C12orf42: variants seen among roughly 807,000 people sequenced by gnomAD.
C12orf42 encodes uncharacterized protein C12orf42.
In C12orf42, 25 loss-of-function variants were observed where a neutral mutation model predicts 21.6. The observed-to-expected ratio is 1.16, with a 90% CI of 0.84 to 1.62. The LOEUF (loss-of-function observed/expected upper bound fraction) is 1.62. Ranked by LOEUF, C12orf42 falls within the 40% of genes most tolerant of loss-of-function variation. The pLI is 0.00. For synonymous variants in C12orf42, 174 were observed against 175.0 expected (o/e 0.99, Z 0.05); for missense variants, 483 against 459.3 (o/e 1.05, Z -0.47).
the C12orf42 span, among the ~76,000 whole-genome samples, chr12:103,232,409 T>C: frequency 1.4e-4 from 22 of 152,252 alleles, no homozygotes; most frequent in Admixed American, 6.5e-4. Flanking sequence ...TTCTCTCATG[T>C]TATTTTTTAA....
At chr12:103,257,028 C>G (rs1445949170) in intron 10 of C12orf42, among the ~76,000 whole-genome samples, 1 of 152,026 alleles carries the variant, frequency 6.6e-6, no homozygotes, top group African/African-American at 2.4e-5. Flanking sequence ...AAATATTATA[C>G]AGCCATAAAA....
At chr12:103,507,991 G>T in the C12orf42 span, among the ~76,000 whole-genome samples, 4 of 152,140 alleles carry the variant, frequency 2.6e-5, no homozygotes, top group Admixed American at 6.5e-5. Flanking sequence ...GGCATTGGAT[G>T]CAGGGGAATC....
chr12:103,149,693 G>A, the C12orf42 span, among the ~76,000 whole-genome samples: 1 of 152,080 alleles, frequency 6.6e-6, no homozygotes, highest in Non-Finnish European at 1.5e-5. Context: ...CATGTGAGAA[G>A]GTCCAAGCTT....
chr12:103,232,369 A>C, the C12orf42 span, among the ~76,000 whole-genome samples: 31 of 152,260 alleles, frequency 2.0e-4, 2 homozygotes, highest in Admixed American at 8.5e-4. Flanking sequence ...TTATCTTTAA[A>C]GTCATCACCA....
intron 4 of C12orf42, among the ~76,000 whole-genome samples, chr12:103,359,504 A>G (rs1236826702): frequency 6.6e-6 from 1 of 152,090 alleles, no homozygotes; most frequent in Non-Finnish European, 1.5e-5. Flanking sequence ...GAATATATAT[A>G]TATACAAGGA....
intron 2 of C12orf42, among the ~76,000 whole-genome samples, chr12:103,426,479 G>A (rs534507411): frequency 2.6e-5 from 4 of 152,136 alleles, no homozygotes; most frequent in Admixed American, 1.3e-4. Flanking sequence ...CCAAACCTAC[G>A]TTTGACTGGT....
the C12orf42 span, among the ~76,000 whole-genome samples, chr12:103,225,424 T>A: frequency 6.6e-6 from 1 of 152,268 alleles, no homozygotes; most frequent in South Asian, 2.1e-4. Context: ...GACGGGATAT[T>A]GGCGTTGAGT....
chr12:103,294,463 A>AAAGAAAG (rs66707138), intron 4 of C12orf42, among the ~76,000 whole-genome samples: 1,938 of 134,168 alleles, frequency 0.014, 65 homozygotes, highest in African/African-American at 0.057. Context: ...AGAAAGAAAG[A>AAAGAAAG]AAGAAAGAAA....
chr12:103,191,171 T>A, the C12orf42 span, among the ~76,000 whole-genome samples: 2 of 152,076 alleles, frequency 1.3e-5, no homozygotes, highest in African/African-American at 4.8e-5. Flanking sequence ...GAAAACTGTT[T>A]TCTAAAAATA....
At chr12:103,313,492 C>T (rs1462499692) in intron 4 of C12orf42, among the ~76,000 whole-genome samples, 1 of 152,194 alleles carries the variant, frequency 6.6e-6, no homozygotes, top group Non-Finnish European at 1.5e-5. Context: ...CAAATCTATG[C>T]TTTTCCCCTT....
At chr12:103,458,843 A>G (rs977082075) in intron 2 of C12orf42, among the ~76,000 whole-genome samples, 1 of 152,148 alleles carries the variant, frequency 6.6e-6, no homozygotes. Flanking sequence ...CTCACAATTT[A>G]GGAGAATTTG....
chr12:103,492,686 C>T (rs1478785013), intron 1 of C12orf42, among the ~76,000 whole-genome samples: 2 of 152,202 alleles, frequency 1.3e-5, no homozygotes, highest in Non-Finnish European at 2.9e-5. Context: ...CTCATCCCTT[C>T]ATCCCATGCC....
At chr12:103,096,030 A>G in the C12orf42 span, among the ~76,000 whole-genome samples, 1 of 152,164 alleles carries the variant, frequency 6.6e-6, no homozygotes, top group Non-Finnish European at 1.5e-5. Context: ...TTTATGGAAA[A>G]TACAGCAACA....
intron 1 of C12orf42, among the ~76,000 whole-genome samples, chr12:103,481,924 T>C (rs1020252464): frequency 6.6e-6 from 1 of 151,976 alleles, no homozygotes; most frequent in Non-Finnish European, 1.5e-5. Context: ...TAATAAAACA[T>C]GTATACTAAC....
At chr12:103,087,381 A>G in the C12orf42 span, among the ~76,000 whole-genome samples, 2 of 152,216 alleles carry the variant, frequency 1.3e-5, no homozygotes, top group Non-Finnish European at 2.9e-5. Flanking sequence ...TGACTCATAG[A>G]ACACTAGTGA....
chr12:103,075,590 AT>A, the C12orf42 span, among the ~76,000 whole-genome samples: 2 of 152,336 alleles, frequency 1.3e-5, no homozygotes, highest in East Asian at 3.9e-4. Context: ...GCCTGTGCTA[AT>A]TTATACCTCT....
At chr12:103,114,744 C>T in the C12orf42 span, among the ~76,000 whole-genome samples, 3 of 152,180 alleles carry the variant, frequency 2.0e-5, no homozygotes, top group East Asian at 1.9e-4. Flanking sequence ...AGAAACAATG[C>T]TGTTGAGGAC....
chr12:103,140,599 G>C, the C12orf42 span, among the ~76,000 whole-genome samples: 3 of 152,182 alleles, frequency 2.0e-5, no homozygotes, highest in Non-Finnish European at 4.4e-5. Context: ...GAAACAGGGA[G>C]GGGGAGAGCA....
the C12orf42 span, among the ~76,000 whole-genome samples, chr12:103,135,812 G>A: frequency 6.6e-6 from 1 of 152,102 alleles, no homozygotes; most frequent in East Asian, 1.9e-4. Flanking sequence ...AAGAACGTAT[G>A]GTTATTGCAA....
Sources: gnomAD v4.1 joint callset for allele counts (sites outside exome capture counted in the v4.1 genomes callset) on GRCh38, gnomAD v4.1.1 for gene constraint, MANE v1.5 for transcripts, NCBI Gene and HGNC (gene_info 2026-07-23, HGNC 2026-07-21) for gene names.